The following HCRTR1 variants were observed in gnomAD, a reference collection of about 807,000 sequenced individuals.
The protein encoded by HCRTR1 is orexin/Hypocretin receptor type 1.
In HCRTR1, 28 loss-of-function variants were observed where a neutral mutation model predicts 40.6. The ratio of observed to expected loss-of-function variants is 0.69; its 90% CI spans 0.51 to 0.95. The LOEUF is 0.95. HCRTR1 is among the 40% of genes least tolerant of loss of function. The pLI, the probability that HCRTR1 is intolerant of heterozygous loss-of-function variation, is 0.00. For missense variants in HCRTR1, 482 were observed against 564.7 expected (o/e 0.85, Z 1.48); for synonymous variants, 209 against 230.0 (o/e 0.91, Z 0.83).
downstream of HCRTR1, chr1:31,632,194 C>G: frequency 6.7e-6 from 4 of 600,246 alleles, no homozygotes; most frequent in Non-Finnish European, 1.2e-5. Context: ...ACACACTGGT[C>G]TCATAGTCCT....
downstream of HCRTR1, chr1:31,633,325 G>A: frequency 6.2e-7 from 1 of 1,604,548 alleles, no homozygotes; most frequent in South Asian, 1.1e-5. Context: ...CTGGAGGAAG[G>A]GGTGTGAAGG....
At position 31,623,608 on chromosome 1, in the gene HCRTR1, A is replaced by G; in HGVS notation, c.824A>G (p.Glu275Gly). The G allele has an allele frequency of 6.2e-7, 1 of 1,613,680 alleles. No individual in the cohort carries two copies. The highest frequency in any genetic ancestry group is 8.5e-7 in the Non-Finnish European group (1 of 1,180,002). ...GACCTGGAGCAGGGCCTGAGTGGAG[A>G]GCCCCAGCCCCGGGCCCGCGCCTTC... ...LGDLEQGLSG[E>G]PQPRARAFLA... Residue 275 changes from glutamate to glycine, a missense_variant, in exon 7 of 9, where the codon GAG becomes GGG. Transcript: ENST00000403528.
chr1:31,623,453 G>A, intron 6 of HCRTR1, 70 bp from the exon 7 acceptor site: 1 of 1,361,170 alleles, frequency 7.3e-7, no homozygotes, highest in South Asian at 1.4e-5. Context: ...CCTGGAGTAG[G>A]CCCCACAAAA....
chr1:31,624,570 G>A (rs1297222492), intron 7 of HCRTR1, among the ~76,000 whole-genome samples: 2 of 152,144 alleles, frequency 1.3e-5, no homozygotes, highest in African/African-American at 4.8e-5. Flanking sequence ...GTCGCAGGGC[G>A]CTGGGGAGAG....
intron 7 of HCRTR1, 60 bp downstream of exon 7, chr1:31,623,809 C>G: frequency 7.5e-7 from 1 of 1,328,796 alleles, no homozygotes; most frequent in Non-Finnish European, 1.1e-6. Flanking sequence ...AGGAGCTCTC[C>G]TTGCTTGGGA....
chr1:31,621,436 T>C, intron 5 of HCRTR1, 41 bp from the exon 6 acceptor site: 1 of 1,446,868 alleles, frequency 6.9e-7, no homozygotes, highest in Non-Finnish European at 9.7e-7. Context: ...AGGGTGGGGC[T>C]CACGGATTGG....
At chr1:31,621,641 G>T (rs755718082) in intron 6 of HCRTR1, 49 bp downstream of exon 6, 1 of 1,317,896 alleles carries the variant, frequency 7.6e-7, no homozygotes, top group Non-Finnish European at 1.1e-6. Flanking sequence ...TGTGGGCTGG[G>T]GGTGGGAGGG....
downstream of HCRTR1, chr1:31,630,440 T>C (rs1451659868): frequency 2.9e-6 from 2 of 689,096 alleles, no homozygotes; most frequent in African/African-American, 1.8e-5. Flanking sequence ...CGGTCCTCAC[T>C]ATTTGGTGGC....
intron 5 of HCRTR1, 129 bp downstream of exon 5, chr1:31,621,215 C>T: frequency 8.6e-6 from 11 of 1,271,886 alleles, no homozygotes; most frequent in Non-Finnish European, 1.2e-5. Flanking sequence ...CCCTAGGGGA[C>T]ACCCTAGACT....
intron 5 of HCRTR1, 38 bp downstream of exon 5, chr1:31,621,124 G>T: frequency 4.4e-6 from 7 of 1,580,388 alleles, no homozygotes; most frequent in Non-Finnish European, 5.1e-6. Context: ...CCCCTCAGGT[G>T]GGCACTTTGG....
chr1:31,629,702 A>G (rs1374150372), downstream of HCRTR1, among the ~76,000 whole-genome samples: 2 of 152,134 alleles, frequency 1.3e-5, no homozygotes, highest in Non-Finnish European at 2.9e-5. Context: ...TGGCTACCCT[A>G]TACTTCAACT....
rs1387534892 is a variant in HCRTR1 at position 31,619,674 on chromosome 1, C to T, written c.342C>T (p.Phe114=). The change falls in exon 4 of 9, where the codon TTC becomes TTT. Residue 114 remains phenylalanine, a synonymous_variant. Transcript: ENST00000403528. ...TGGACATCACTGAGTCCTGGCTGTT[C>T]GGCCATGCCCTCTGCAAGGTCATCC... The part of the protein sequence containing the change: ...LLVDITESWL[F]GHALCKVIPY... The T allele has an allele frequency of 5.0e-6, 8 of 1,611,380 alleles. No homozygotes were observed. Among genetic ancestry groups the T allele is most frequent in the Middle Eastern group, 3.3e-4 (2 of 6,030 alleles).
In HCRTR1 at chr1:31,625,808, A is replaced by G. The variant is rs1639965126; in HGVS notation, c.1087+690A>G. Among the ~76,000 whole-genome samples, 1 of 152,208 alleles carries G rather than the reference A, an allele frequency of 6.6e-6. No homozygotes were observed. Among genetic ancestry groups the G allele is most frequent in the African/African-American group, 2.4e-5 (1 of 41,446 alleles). The stretch of plus-strand genomic sequence containing the variant: ...ACTCACCAGCCCTCTGACTTTGGGA[A>G]TAGACTTCTAAAGAACAGGTCCAGA... On this transcript the variant is annotated intron_variant, in intron 8 of 8. Transcript: ENST00000403528. This position sits in a 1 kb window ranked among gnomAD's most constrained non-coding sequence, Gnocchi z 4.2.
At position 31,625,749 on chromosome 1, in the gene HCRTR1, T is replaced by C. The variant is rs995127613; in HGVS notation, c.1087+631T>C. 6.6e-6 allele frequency among the ~76,000 whole-genome samples: 1 copy of C among 151,366 alleles called. No homozygotes were observed. Among genetic ancestry groups the C allele is most frequent in the Non-Finnish European group, 1.5e-5 (1 of 67,824 alleles). ...CCTCTACCTCCCAGTCTCAGGGTGG[T>C]AATGGCTCTGAGGCTGAGCTCAGCA... On this transcript the variant is annotated intron_variant, in intron 8 of 8. Transcript: ENST00000403528. The surrounding 1 kb of genome is among the most constrained non-coding windows in gnomAD (Gnocchi z 4.2).
rs755924281 is a variant in HCRTR1, at chr1:31,623,755, A to G, written c.965+6A>G. The G allele has an allele frequency of 1.1e-4, 177 of 1,609,054 alleles. No individual in the cohort carries two copies. The highest frequency in any genetic ancestry group is 1.5e-4 in the Non-Finnish European group (172 of 1,176,156). On this transcript the variant is annotated splice_donor_region_variant and intron_variant, in intron 7 of 8. Coordinates refer to ENST00000403528, the MANE Select transcript of HCRTR1 (RefSeq NM_001525.3). ...GTCCTCAATGTCCTTAAGAGGTGAG[A>G]GCACGGGGTATGGTTGGGGTGGGGA...
downstream of HCRTR1, chr1:31,633,443 G>A (rs1640171643): frequency 4.0e-6 from 4 of 998,766 alleles, no homozygotes; most frequent in Admixed American, 5.9e-5. Context: ...CCATCAAGCT[G>A]ACATTCTTAC....
intron 7 of HCRTR1, among the ~76,000 whole-genome samples, chr1:31,624,610 C>G (rs1477365986): frequency 3.9e-5 from 6 of 152,186 alleles, no homozygotes; most frequent in Admixed American, 1.3e-4. Flanking sequence ...AAGACAGTTT[C>G]ACTTTGAGAT....
rs530991048 is a variant in HCRTR1, at chr1:31,626,926, C to T, written c.1224C>T (p.Ile408=). 3.7e-6 allele frequency: 6 copies of T among 1,613,718 alleles called. No homozygotes were observed. The South Asian group carries it at 5.5e-5, about 15-fold the overall frequency. Residue 408 remains isoleucine (I), a synonymous_variant, in exon 9 of 9, where the codon ATC becomes ATT. Transcript: ENST00000403528. This position sits in a 1 kb window ranked among gnomAD's most constrained non-coding sequence, Gnocchi z 4.6. ...TGTCCTTGCAGAGCCGATGCTCCAT[C>T]TCCAAAATCTCTGAGCATGTGGTGC... ...KSLSLQSRCS[I]SKISEHVVLT... is the part of the protein sequence containing the mutation.
Position 31,621,106 on chromosome 1 carries a change from G to C in HCRTR1, c.622+20G>C. The C allele has an allele frequency of 6.3e-7, 1 of 1,593,258 alleles. No homozygotes were observed. Among genetic ancestry groups the C allele is most frequent in the East Asian group, 2.2e-5 (1 of 44,718 alleles). ...GGGCAGGTAATGGTGGAAGCCTCAA[G>C]CAGGCATCCCCTCAGGTGGGCACTT... is the stretch of plus-strand genomic sequence containing the variant. On this transcript the variant is annotated intron_variant, in intron 5 of 8. Coordinates refer to ENST00000403528, the MANE Select transcript of HCRTR1 (RefSeq NM_001525.3).
Sources: allele counts gnomAD v4.1 joint callset (sites outside exome capture counted in the v4.1 genomes callset), GRCh38; gene constraint gnomAD v4.1.1; non-coding constraint Gnocchi (gnomAD v3.1); transcripts MANE v1.5; gene names NCBI Gene and HGNC (gene_info 2026-07-23, HGNC 2026-07-21).